Variants in EPHB1 observed in about 807,000 individuals in gnomAD.
EPHB1 encodes the protein ephrin type-B receptor 1.
A neutral mutation model predicts 94.4 loss-of-function variants in EPHB1; 30 were observed. That is an observed-to-expected ratio of 0.32 (90% CI 0.24 to 0.43). EPHB1 has a LOEUF of 0.43. EPHB1 is among the 20% of genes least tolerant of loss of function. EPHB1 has a pLI of 1.00. For missense variants in EPHB1, 1,055 were observed against 1,308.3 expected (o/e 0.81, Z 2.99); for synonymous variants, 522 against 489.1 (o/e 1.07, Z -0.89).
chr3:134,978,667 C>G (rs1222609165), intron 3 of EPHB1, among the ~76,000 whole-genome samples: 1 of 152,222 alleles, frequency 6.6e-6, no homozygotes, highest in Non-Finnish European at 1.5e-5. Flanking sequence ...GGCCTTGCTT[C>G]AGTGTCCCCA....
intron 1 of EPHB1, among the ~76,000 whole-genome samples, chr3:134,826,269 C>G (rs1361346383): frequency 8.3e-6 from 1 of 121,132 alleles, no homozygotes; most frequent in Non-Finnish European, 1.7e-5. Flanking sequence ...AAAAAAAAAG[C>G]AATTGAAAAT....
At chr3:134,886,461 G>A (rs1397786423) in intron 1 of EPHB1, among the ~76,000 whole-genome samples, 9 of 152,124 alleles carry the variant, frequency 5.9e-5, no homozygotes, top group Admixed American at 5.9e-4. Context: ...GCAGTGATGA[G>A]AATCAAATTC....
chr3:134,887,966 T>C (rs949596618), intron 1 of EPHB1, among the ~76,000 whole-genome samples: 1 of 152,346 alleles, frequency 6.6e-6, no homozygotes, highest in Admixed American at 6.5e-5. Flanking sequence ...TGAGAGCTTT[T>C]GCAAGTTTAG....
chr3:135,055,149 C>T (rs1453801253), intron 3 of EPHB1, among the ~76,000 whole-genome samples: 1 of 152,186 alleles, frequency 6.6e-6, no homozygotes, highest in Non-Finnish European at 1.5e-5. Context: ...TTTTTAATGT[C>T]TGCCCATTTG....
intron 1 of EPHB1, among the ~76,000 whole-genome samples, chr3:134,866,376 C>G (rs2037379069): frequency 6.6e-6 from 1 of 152,216 alleles, no homozygotes; most frequent in Non-Finnish European, 1.5e-5. Flanking sequence ...TGGCTCTTTA[C>G]TTCTCAGAGG....
intron 1 of EPHB1, among the ~76,000 whole-genome samples, chr3:134,858,722 G>T (rs188780719): frequency 6.6e-6 from 1 of 152,346 alleles, no homozygotes; most frequent in Non-Finnish European, 1.5e-5. Context: ...TTATCCTGCT[G>T]TTGAGGACAC....
chr3:134,924,713 A>G (rs1479181356), intron 1 of EPHB1, among the ~76,000 whole-genome samples: 1 of 152,270 alleles, frequency 6.6e-6, no homozygotes, highest in Non-Finnish European at 1.5e-5. Context: ...AGTATTACTC[A>G]GCAATAAAAA....
intron 3 of EPHB1, among the ~76,000 whole-genome samples, chr3:135,072,669 C>T (rs1331452964): frequency 6.6e-6 from 1 of 152,202 alleles, no homozygotes; most frequent in Non-Finnish European, 1.5e-5. Flanking sequence ...AAAGCTATTT[C>T]CTGATTCTTT....
chr3:134,833,377 C>CTG (rs1227310592), intron 1 of EPHB1, among the ~76,000 whole-genome samples: 13 of 152,304 alleles, frequency 8.5e-5, no homozygotes, highest in African/African-American at 2.9e-4. Context: ...AGTGGGTGAG[C>CTG]TGTGTCCCCA....
At chr3:134,911,186 C>A (rs2107694504) in intron 1 of EPHB1, among the ~76,000 whole-genome samples, 1 of 152,304 alleles carries the variant, frequency 6.6e-6, no homozygotes, top group East Asian at 1.9e-4. Context: ...ATGCAGTGGA[C>A]AGGGCATCTC....
intron 12 of EPHB1, among the ~76,000 whole-genome samples, chr3:135,204,193 TTAAG>T (rs1291422242): frequency 7.3e-6 from 1 of 137,594 alleles, no homozygotes; most frequent in Non-Finnish European, 1.6e-5. Context: ...TCTTAATTAA[TTAAG>T]TTTTTTATTT....
chr3:135,247,817 C>G (rs1001380551), intron 13 of EPHB1, among the ~76,000 whole-genome samples: 53 of 152,142 alleles, frequency 3.5e-4, no homozygotes, highest in African/African-American at 1.2e-3. Context: ...GTAAGTGCTC[C>G]ATCAATGCTA....
chr3:135,059,547 A>G lies in EPHB1; in HGVS notation c.806-46901A>G, dbSNP rs1266148626. Among the ~76,000 whole-genome samples the G allele has an allele frequency of 3.9e-5, 6 of 152,310 alleles. No homozygotes were observed. The South Asian group carries it at 1.2e-3, about 32-fold the overall frequency. On this transcript the variant is annotated intron_variant, in intron 3 of 15. Coordinates refer to ENST00000398015, the MANE Select transcript of EPHB1 (RefSeq NM_004441.5). ...ATGGAGAGTGGAATGTGAGGCAACCAGTGGGAGCTTTGGGAAGCAATTGTT... is the reference window on the plus strand; with the variant it reads ...ATGGAGAGTGGAATGTGAGGCAACCGGTGGGAGCTTTGGGAAGCAATTGTT...
At chr3:134,855,408 G>T (rs1239320722) in intron 1 of EPHB1, among the ~76,000 whole-genome samples, 1 of 152,188 alleles carries the variant, frequency 6.6e-6, no homozygotes, top group Non-Finnish European at 1.5e-5. Flanking sequence ...ACACTGGAGA[G>T]AAGTTCAAAG....
intron 15 of EPHB1, among the ~76,000 whole-genome samples, chr3:135,255,919 A>G (rs1256113949): frequency 2.7e-5 from 4 of 147,506 alleles, no homozygotes; most frequent in Non-Finnish European, 4.5e-5. Context: ...GGGTGCATAT[A>G]TATTTAGGAT....
intron 1 of EPHB1, among the ~76,000 whole-genome samples, chr3:134,868,543 C>T (rs1329283901): frequency 6.6e-6 from 1 of 152,106 alleles, no homozygotes; most frequent in African/African-American, 2.4e-5. Context: ...TCTTAATCTC[C>T]AGGCACATCA....
chr3:135,074,615 C>T (rs1399114563), intron 3 of EPHB1, among the ~76,000 whole-genome samples: 1 of 152,164 alleles, frequency 6.6e-6, no homozygotes, highest in African/African-American at 2.4e-5. Flanking sequence ...ATGTGTTTCC[C>T]ACCTGGGAAG....
intron 3 of EPHB1, among the ~76,000 whole-genome samples, chr3:135,003,247 G>A (rs1935255720): frequency 6.6e-6 from 1 of 151,642 alleles, no homozygotes; most frequent in Non-Finnish European, 1.5e-5. Flanking sequence ...AGGTTGTTCA[G>A]TTTCCATGTA....
chr3:134,967,832 GAGA>G (rs1235379673), intron 3 of EPHB1, among the ~76,000 whole-genome samples: 3 of 152,320 alleles, frequency 2.0e-5, no homozygotes, highest in African/African-American at 7.2e-5. Context: ...GGATGCACAT[GAGA>G]AGAATATCCC....
Sources: allele counts gnomAD v4.1 joint callset (sites outside exome capture counted in the v4.1 genomes callset), GRCh38; gene constraint gnomAD v4.1.1; transcripts MANE v1.5; gene names NCBI Gene and HGNC (gene_info 2026-07-23, HGNC 2026-07-21).